FREM2: variants seen among roughly 807,000 people sequenced by gnomAD.
FREM2 encodes FRAS1 related extracellular matrix 2, also known as FRAS1-related extracellular matrix protein 2.
A neutral mutation model predicts 219.9 loss-of-function variants in FREM2; 119 were observed. That is an observed-to-expected ratio of 0.54 (90% CI 0.47 to 0.63). The LOEUF is 0.63. Among genes scored for constraint, FREM2 ranks in the 30% least tolerant of loss-of-function variants. FREM2 has a pLI of 0.00. For synonymous variants in FREM2, 1,562 were observed against 1,522.8 expected (o/e 1.03, Z -0.60); for missense variants, 4,030 against 3,993.6 (o/e 1.01, Z -0.25).
rs1020251250 is a variant in FREM2, at chr13:38,687,816, G to A, written c.472G>A (p.Asp158Asn). ...CCGCGTCCGGCTGCAGCTGCGCTAT[G>A]ACGCGCCCGGAGGGGCAGTAGTGCT... ...RDRVRLQLRY[D>N]APGGAVVLPL... The change falls in exon 1 of 24, where the codon GAC becomes AAC. Residue 158 changes from aspartate (D) to asparagine (N), a missense_variant. Physicochemically the swap from Asp to Asn is conservative, Grantham distance 23 (BLOSUM62 1). This residue lies in a region of FREM2 where 3,102 missense variants were observed against 2,950.7 expected (regional missense o/e 1.05). Coordinates refer to ENST00000280481, the MANE Select transcript of FREM2 (RefSeq NM_207361.6). The A allele has an allele frequency of 1.9e-6, 3 of 1,544,564 alleles. No homozygotes were observed.
intron 6 of FREM2, among the ~76,000 whole-genome samples, chr13:38,825,978 G>A (rs930380458): frequency 2.6e-5 from 4 of 152,082 alleles, no homozygotes; most frequent in Admixed American, 2.0e-4. Flanking sequence ...TCTGATATAA[G>A]AAGTCATATA....
At chr13:38,754,895 G>GATTATTATTATTATTATT (rs1246110589) in intron 2 of FREM2, among the ~76,000 whole-genome samples, 1,162 of 99,650 alleles carry the variant, frequency 0.012, 6 homozygotes, top group Middle Eastern at 0.033. Context: ...TGATGATGAT[G>GATTATTATTATTATTATT]ATGATGATTA....
At chr13:38,712,270 C>G (rs1362277854) in intron 2 of FREM2, among the ~76,000 whole-genome samples, 1 of 152,106 alleles carries the variant, frequency 6.6e-6, no homozygotes, top group Admixed American at 6.5e-5. Flanking sequence ...GCTAAGGGCT[C>G]TTCTGCAATA....
At chr13:38,775,151 A>G (rs1001432583) in intron 4 of FREM2, among the ~76,000 whole-genome samples, 1 of 152,258 alleles carries the variant, frequency 6.6e-6, no homozygotes, top group African/African-American at 2.4e-5. Flanking sequence ...CCGATTTCAT[A>G]TGATAGAATT....
Position 38,880,627 on chromosome 13 carries a change from G to A in FREM2, c.9350G>A (p.Gly3117Asp), listed in dbSNP as rs372321218. Reference sequence around the variant, plus strand: ...GTCAGCCTGGTCACTGTGGTGGGAGGCACCACGGTAGGGTTACTCACCATC... The same window carrying A: ...GTCAGCCTGGTCACTGTGGTGGGAGACACCACGGTAGGGTTACTCACCATC... ...SAVSLVTVVG[G>D]TTVGLLTICL... The change falls in exon 24 of 24, where the codon GGC becomes GAC. Residue 3117 changes from glycine to aspartate, a missense_variant. Transcript: ENST00000280481. The A allele has an allele frequency of 6.2e-7, 1 of 1,613,770 alleles. No homozygotes were observed. The highest frequency in any genetic ancestry group is 8.5e-7 in the Non-Finnish European group (1 of 1,179,676).
chr13:38,834,019 C>T (rs746864122), intron 6 of FREM2, among the ~76,000 whole-genome samples: 7 of 151,932 alleles, frequency 4.6e-5, no homozygotes, highest in Non-Finnish European at 8.8e-5. Context: ...TGGCAAATTA[C>T]CCCTTTTTTT....
intron 4 of FREM2, among the ~76,000 whole-genome samples, chr13:38,777,588 T>C (rs945891490): frequency 1.3e-5 from 2 of 152,228 alleles, no homozygotes; most frequent in Non-Finnish European, 2.9e-5. Flanking sequence ...GTGAAGTGTT[T>C]AGAATAGAGC....
chr13:38,769,498 C>A, intron 3 of FREM2, 80 bp from the exon 4 acceptor site: 1 of 1,271,426 alleles, frequency 7.9e-7, no homozygotes, highest in Non-Finnish European at 1.1e-6. Context: ...GATAAAATGA[C>A]ATGCAAAAAG....
intron 4 of FREM2, among the ~76,000 whole-genome samples, chr13:38,775,488 T>C (rs150049432): frequency 7.2e-5 from 11 of 152,348 alleles, no homozygotes; most frequent in African/African-American, 2.6e-4. Flanking sequence ...ACATAGTTTC[T>C]GACACTGAGT....
chr13:38,751,225 G>A (rs895308337), intron 2 of FREM2, among the ~76,000 whole-genome samples: 5 of 129,910 alleles, frequency 3.8e-5, no homozygotes, highest in African/African-American at 1.6e-4. Context: ...CTTCTGTATT[G>A]TTTTTCATAA....
At chr13:38,707,451 G>A (rs1278684688) in intron 2 of FREM2, among the ~76,000 whole-genome samples, 1 of 152,138 alleles carries the variant, frequency 6.6e-6, no homozygotes. Context: ...AGCTTTTGAT[G>A]AAGGAAGTGA....
chr13:38,853,317 G>GAAAAAA (rs776640338), intron 11 of FREM2, among the ~76,000 whole-genome samples: 1 of 56,884 alleles, frequency 1.8e-5, no homozygotes, highest in African/African-American at 6.0e-5. Context: ...AACTCCGTCT[G>GAAAAAA]AAAAAAAAAA....
At chr13:38,705,033 G>C (rs1400878884) in intron 2 of FREM2, among the ~76,000 whole-genome samples, 1 of 152,118 alleles carries the variant, frequency 6.6e-6, no homozygotes, top group Non-Finnish European at 1.5e-5. Context: ...TGGGGACACA[G>C]AGCCAAACCA....
chr13:38,807,259 G>C (rs1875284373), intron 6 of FREM2, among the ~76,000 whole-genome samples: 1 of 97,250 alleles, frequency 1.0e-5, no homozygotes, highest in Non-Finnish European at 2.2e-5. Flanking sequence ...GTTTTTTGCA[G>C]AGACAAGATC....
intron 23 of FREM2, among the ~76,000 whole-genome samples, chr13:38,880,053 T>C (rs1878484950): frequency 6.6e-6 from 1 of 152,256 alleles, no homozygotes; most frequent in Non-Finnish European, 1.5e-5. Flanking sequence ...TCTCTCATTC[T>C]ATGACAACAA....
chr13:38,690,528 G>C lies in FREM2; in HGVS notation c.3184G>C (p.Val1062Leu), dbSNP rs773833901. 1.2e-6 allele frequency: 2 copies of C among 1,614,194 alleles called. No homozygotes were observed. Among genetic ancestry groups the C allele is most frequent in the Admixed American group, 3.3e-5 (2 of 60,032 alleles). Residue 1062 changes from valine to leucine, a missense_variant, in exon 1 of 24, where the codon GTT (valine) becomes CTT (leucine). This residue lies in a region of FREM2 where 3,102 missense variants were observed against 2,950.7 expected (regional missense o/e 1.05). Transcript: ENST00000280481. ...GVTIWVTILP[V>L]DSQAPEIFVG... ...TACTATATGGGTGACCATCCTGCCT[G>C]TTGATAGCCAGGCCCCAGAAATCTT...
At chr13:38,751,522 G>C (rs1219333772) in intron 2 of FREM2, among the ~76,000 whole-genome samples, 1 of 151,876 alleles carries the variant, frequency 6.6e-6, no homozygotes, top group Admixed American at 6.6e-5. Flanking sequence ...CTCTGGGAGG[G>C]GCCCATCCTC....
intron 16 of FREM2, among the ~76,000 whole-genome samples, chr13:38,869,866 T>C (rs1471956033): frequency 6.6e-6 from 1 of 152,208 alleles, no homozygotes; most frequent in Non-Finnish European, 1.5e-5. Flanking sequence ...TTAAAATAAT[T>C]GAAGACTGCA....
chr13:38,848,684 A>G lies in FREM2; in HGVS notation c.6379+14A>G. The G allele has an allele frequency of 6.3e-7, 1 of 1,580,850 alleles. No homozygotes were observed. On this transcript the variant is annotated intron_variant, in intron 8 of 23. Transcript: ENST00000280481. ...CTGTCTCCGATTGTGAGTGTTTATT[A>G]ATTTTATAATTTACAATGATAATTG...
Sources: gnomAD v4.1 joint callset for allele counts (sites outside exome capture counted in the v4.1 genomes callset) on GRCh38, gnomAD v4.1.1 for gene constraint, gnomAD v4.1.1 regional missense constraint, MANE v1.5 for transcripts, NCBI Gene and HGNC (gene_info 2026-07-23, HGNC 2026-07-21) for gene names.